The following CBFA2T2 variants were observed in gnomAD, a reference collection of about 807,000 sequenced individuals.
CBFA2T2 encodes the protein CBFA2/RUNX1 partner transcriptional co-repressor 2, also known as protein CBFA2T2.
A neutral mutation model predicts 62.2 loss-of-function variants in CBFA2T2; 11 were observed. The observed-to-expected ratio is 0.18, with a 90% CI of 0.11 to 0.29. The LOEUF (loss-of-function observed/expected upper bound fraction) is 0.29. Ranked by LOEUF, CBFA2T2 falls within the 10% of genes least tolerant of loss-of-function variation. The probability of loss-of-function intolerance (pLI) is 1.00; values close to 1 mark genes in which losing one functional copy is unlikely to be tolerated. For synonymous variants in CBFA2T2, 295 were observed against 287.5 expected (o/e 1.03, Z -0.27); for missense variants, 592 against 774.1 (o/e 0.76, Z 2.79).
At chr20:33,564,681 G>A (rs2013226157) in intron 1 of CBFA2T2, among the ~76,000 whole-genome samples, 1 of 151,982 alleles carries the variant, frequency 6.6e-6, no homozygotes, top group African/African-American at 2.4e-5. Context: ...CCGGACTTCA[G>A]TGATCCTCCC....
At chr20:33,636,381 A>G (rs535039992) in intron 8 of CBFA2T2, among the ~76,000 whole-genome samples, 5 of 152,346 alleles carry the variant, frequency 3.3e-5, no homozygotes, top group Non-Finnish European at 4.4e-5. Context: ...AGGTAAGTAA[A>G]AAGAAGAAAG....
intron 8 of CBFA2T2, among the ~76,000 whole-genome samples, chr20:33,635,415 G>T (rs546590396): frequency 9.2e-5 from 14 of 152,186 alleles, no homozygotes; most frequent in Non-Finnish European, 1.8e-4. Context: ...GAATCCCTAG[G>T]CTGGTGAAGG....
chr20:33,595,561 A>AT (rs980103969), intron 1 of CBFA2T2, among the ~76,000 whole-genome samples: 13 of 145,534 alleles, frequency 8.9e-5, no homozygotes, highest in African/African-American at 3.1e-4. Context: ...TTTTTAATTT[A>AT]TTTTTTTTGA....
intron 10 of CBFA2T2, among the ~76,000 whole-genome samples, chr20:33,642,116 T>TTTG (rs1313728159): frequency 1.5e-4 from 9 of 59,006 alleles, no homozygotes; most frequent in East Asian, 7.0e-4. Flanking sequence ...TTTTTTTTTT[T>TTTG]TGTGTGTGTG....
chr20:33,530,903 A>G (rs1332143631), intron 1 of CBFA2T2, among the ~76,000 whole-genome samples: 4 of 152,114 alleles, frequency 2.6e-5, no homozygotes, highest in Non-Finnish European at 5.9e-5. Flanking sequence ...CTACGTAGTG[A>G]AACCCCATCT....
chr20:33,543,075 A>G (rs934601082), intron 1 of CBFA2T2, among the ~76,000 whole-genome samples: 17 of 152,036 alleles, frequency 1.1e-4, no homozygotes, highest in African/African-American at 4.1e-4. Context: ...GTGCAGTGGC[A>G]TGATATTGGA....
chr20:33,622,968 T>A (rs780682578), intron 4 of CBFA2T2, 147 bp from the exon 5 acceptor site: 1 of 684,748 alleles, frequency 1.5e-6, no homozygotes, highest in Admixed American at 2.8e-5. Flanking sequence ...AGAGATATCA[T>A]TGACTCACAG....
intron 1 of CBFA2T2, among the ~76,000 whole-genome samples, chr20:33,497,274 C>CA (rs34528525): frequency 0.39 from 22,319 of 57,946 alleles, 3,965 homozygotes; most frequent in Non-Finnish European, 0.45. Flanking sequence ...ACCCTGTCTC[C>CA]AAAAAAAAAA....
At chr20:33,581,366 A>G (rs370209561) in intron 1 of CBFA2T2, among the ~76,000 whole-genome samples, 2 of 152,006 alleles carry the variant, frequency 1.3e-5, no homozygotes, top group East Asian at 3.9e-4. Flanking sequence ...CATGTCTGTC[A>G]TTTTCTTTGT....
intron 5 of CBFA2T2, among the ~76,000 whole-genome samples, chr20:33,624,443 T>G (rs1471512983): frequency 2.0e-5 from 3 of 152,174 alleles, no homozygotes; most frequent in Non-Finnish European, 1.5e-5. Context: ...ACCTTAATAC[T>G]TTCCTAAGTA....
intron 1 of CBFA2T2, among the ~76,000 whole-genome samples, chr20:33,497,037 GCTGAGGCCGGCAGATCAC>G (rs970811069): frequency 6.6e-6 from 1 of 152,120 alleles, no homozygotes; most frequent in Non-Finnish European, 1.5e-5. Flanking sequence ...ACTTTGGGAG[GCTGAGGCCGGCAGATCAC>G]CTGAGGTCGG....
At chr20:33,502,798 C>CA (rs1303659877) in intron 1 of CBFA2T2, among the ~76,000 whole-genome samples, 1 of 148,578 alleles carries the variant, frequency 6.7e-6, no homozygotes, top group Non-Finnish European at 1.5e-5. Flanking sequence ...ATTTAGAAAT[C>CA]AAGATTTGGA....
At chr20:33,621,653 A>G (rs1224955939) in intron 4 of CBFA2T2, among the ~76,000 whole-genome samples, 1 of 152,180 alleles carries the variant, frequency 6.6e-6, no homozygotes, top group East Asian at 1.9e-4. Flanking sequence ...GGTCAAATAA[A>G]TATGCCCCTT....
At chr20:33,572,631 G>C (rs2013618808) in intron 1 of CBFA2T2, among the ~76,000 whole-genome samples, 1 of 152,184 alleles carries the variant, frequency 6.6e-6, no homozygotes, top group South Asian at 2.1e-4. Context: ...TCAATGATGG[G>C]AATGAACTCA....
At chr20:33,562,714 C>T in intron 1 of CBFA2T2, 1 of 973,708 alleles carries the variant, frequency 1.0e-6, no homozygotes, top group Non-Finnish European at 1.2e-6. Flanking sequence ...TTAAAGTGCA[C>T]AATTCTCTGC....
intron 1 of CBFA2T2, among the ~76,000 whole-genome samples, chr20:33,542,896 G>T (rs1409444756): frequency 1.3e-5 from 2 of 152,002 alleles, no homozygotes; most frequent in African/African-American, 4.8e-5. Context: ...TGGTCTCCTG[G>T]ACTCAAACAA....
intron 9 of CBFA2T2, among the ~76,000 whole-genome samples, chr20:33,638,423 A>AC (rs2016706479): frequency 6.6e-6 from 1 of 152,076 alleles, no homozygotes; most frequent in South Asian, 2.1e-4. Context: ...ACCTTAGACG[A>AC]CCTCCAGTAA....
In CBFA2T2 at chr20:33,574,008, C is replaced by T. The variant is rs1268234626; in HGVS notation, c.35-32948C>T. ...TTTGCCATGTTGCCCAGGTGGGTCT[C>T]AAACTCCTGGGCTAAAGCGATCTTC... On this transcript the variant is annotated intron_variant, in intron 1 of 10. Transcript: ENST00000342704. 8 of 936,560 alleles carry T rather than the reference C, an allele frequency of 8.5e-6. No individual in the cohort carries two copies. In the African/African-American group the frequency reaches 8.8e-5, roughly 10 times the overall value. The allele number at this position is 936,560 out of a possible 1,614,324, so 58.0% of individuals were successfully genotyped here.
At chr20:33,523,286 T>TA (rs1439820404) in intron 1 of CBFA2T2, among the ~76,000 whole-genome samples, 2 of 152,132 alleles carry the variant, frequency 1.3e-5, no homozygotes, top group Non-Finnish European at 2.9e-5. Context: ...TTTATTTATT[T>TA]TTTTTTATAT....
Sources: gnomAD v4.1 joint callset for allele counts (sites outside exome capture counted in the v4.1 genomes callset) on GRCh38, gnomAD v4.1.1 for gene constraint, MANE v1.5 for transcripts, NCBI Gene and HGNC (gene_info 2026-07-23, HGNC 2026-07-21) for gene names.